The following UNC13C variants were observed in gnomAD, a reference collection of about 807,000 sequenced individuals.
UNC13C encodes the protein unc-13 homolog C, also known as protein unc-13 homolog C.
A neutral mutation model predicts 245.4 loss-of-function variants in UNC13C; 174 were observed. The ratio of observed to expected loss-of-function variants is 0.71; its 90% CI spans 0.63 to 0.80. The LOEUF (loss-of-function observed/expected upper bound fraction) is 0.80. Among genes scored for constraint, UNC13C ranks in the 30% least tolerant of loss-of-function variants. The pLI is 0.00. For synonymous variants in UNC13C, 992 were observed against 895.1 expected, an observed-to-expected ratio of 1.11 and a Z score of -1.93; for missense variants, 2,829 against 2,602.9, an observed-to-expected ratio of 1.09 and a Z score of -1.89.
At chr15:54,084,182 C>G (rs1337036619) in intron 2 of UNC13C, among the ~76,000 whole-genome samples, 1 of 152,208 alleles carries the variant, frequency 6.6e-6, no homozygotes, top group Non-Finnish European at 1.5e-5. Flanking sequence ...GCTCTCTTCC[C>G]TCAGTTTTCT....
intron 2 of UNC13C, among the ~76,000 whole-genome samples, chr15:54,024,398 G>A (rs1256204021): frequency 1.3e-5 from 2 of 152,158 alleles, no homozygotes; most frequent in South Asian, 2.1e-4. Flanking sequence ...ATCTGAAACA[G>A]GTAAAAGCTT....
chr15:54,395,392 A>G (rs1327645080), intron 18 of UNC13C, among the ~76,000 whole-genome samples: 1 of 151,856 alleles, frequency 6.6e-6, no homozygotes, highest in Admixed American at 6.6e-5. Context: ...AATCCAGACC[A>G]CTAGGGTAAG....
chr15:53,941,334 A>G, the UNC13C span, among the ~76,000 whole-genome samples: 4 of 152,246 alleles, frequency 2.6e-5, no homozygotes, highest in African/African-American at 7.2e-5. Context: ...ACCCAAAACT[A>G]TAAAAACCAT....
intron 1 of UNC13C, among the ~76,000 whole-genome samples, chr15:53,989,784 G>A (rs10518748): frequency 0.047 from 7,091 of 151,946 alleles, 359 homozygotes; most frequent in East Asian, 0.21. Context: ...ACTTTTCTTG[G>A]AGACAGCAGC....
At chr15:54,161,649 A>T (rs564525897) in intron 4 of UNC13C, among the ~76,000 whole-genome samples, 2 of 152,138 alleles carry the variant, frequency 1.3e-5, no homozygotes, top group East Asian at 3.9e-4. Flanking sequence ...GTCAGTTATC[A>T]TTAAAATTTT....
the UNC13C span, among the ~76,000 whole-genome samples, chr15:53,875,581 G>A: frequency 6.6e-6 from 1 of 152,134 alleles, no homozygotes; most frequent in African/African-American, 2.4e-5. Context: ...TTAAGCTAGA[G>A]TAATGTGATG....
At chr15:54,472,341 A>C (rs1406844040) in intron 19 of UNC13C, among the ~76,000 whole-genome samples, 1 of 151,762 alleles carries the variant, frequency 6.6e-6, no homozygotes, top group African/African-American at 2.4e-5. Context: ...TGTGTTTAAC[A>C]GTTTTGCCTT....
Position 54,173,969 on chromosome 15 carries a change from C to T in UNC13C, c.3071+30285C>T, listed in dbSNP as rs545830570. ...ATTGAGATTATCAGGTGGGTTTCCC[C>T]TTTGTTTATATAGGGAATTAAATTG... On this transcript the variant is annotated intron_variant, in intron 4 of 32. Coordinates refer to ENST00000260323, the MANE Select transcript of UNC13C (RefSeq NM_001080534.3). 2.0e-5 allele frequency among the ~76,000 whole-genome samples: 3 copies of T among 152,060 alleles called. No individual in the cohort carries two copies. In the South Asian group the frequency reaches 6.2e-4, roughly 32 times the overall value.
chr15:54,520,584 C>G (rs28664676), intron 24 of UNC13C, among the ~76,000 whole-genome samples: 1 of 151,664 alleles, frequency 6.6e-6, no homozygotes, highest in African/African-American at 2.4e-5. Context: ...GAAAAGAAGA[C>G]TGAAAAAGGA....
rs560736208 is a variant in UNC13C at position 54,429,333 on chromosome 15, A to G, written c.4933+14266A>G. Among the ~76,000 whole-genome samples the G allele has an allele frequency of 4.6e-5, 7 of 151,908 alleles. No homozygotes were observed. The East Asian group carries it at 1.4e-3, about 30-fold the overall frequency. ...GAGCAATACAGAAATTCCTGAGGAC[A>G]AGTTAAAGCATTATTCTTTTATGAA... On this transcript the variant is annotated intron_variant, in intron 19 of 32. Transcript: ENST00000260323.
At chr15:54,519,127 A>C (rs1895106733) in intron 24 of UNC13C, among the ~76,000 whole-genome samples, 1 of 152,164 alleles carries the variant, frequency 6.6e-6, no homozygotes, top group Non-Finnish European at 1.5e-5. Context: ...AGGAAGTTGA[A>C]CTATGTGATT....
chr15:54,507,130 T>A lies in UNC13C; in HGVS notation c.5315T>A (p.Val1772Glu), dbSNP rs772029461. Residue 1772 changes from valine (V) to glutamate (E), a missense_variant, in exon 23 of 33, where the codon GTG becomes GAG. Transcript: ENST00000260323. ...MRRFAKTINK[V>E]LLQYAAIVSS... ...TTTCTTTCTTAGACTATCAATAAAG[T>A]GCTGCTCCAGTATGCTGCAATTGTA... 2.5e-6 allele frequency: 4 copies of A among 1,597,552 alleles called. No individual in the cohort carries two copies. Among genetic ancestry groups the A allele is most frequent in the Middle Eastern group, 3.3e-4 (2 of 6,032 alleles).
At chr15:54,184,493 C>G (rs1332966466) in intron 4 of UNC13C, among the ~76,000 whole-genome samples, 7 of 152,098 alleles carry the variant, frequency 4.6e-5, no homozygotes. Flanking sequence ...GATCAATTCC[C>G]ACCTATGAGT....
intron 2 of UNC13C, among the ~76,000 whole-genome samples, chr15:54,128,025 C>G (rs915027221): frequency 3.3e-5 from 5 of 151,928 alleles, no homozygotes; most frequent in Non-Finnish European, 7.4e-5. Context: ...ATCCTAAAGA[C>G]TCTTCCAAAA....
chr15:54,042,902 C>T (rs1300734085), intron 2 of UNC13C, among the ~76,000 whole-genome samples: 6 of 151,910 alleles, frequency 3.9e-5, no homozygotes, highest in Non-Finnish European at 2.9e-5. Context: ...GAATCTACTG[C>T]GCATAACATT....
chr15:54,010,711 T>G (rs1468013111), intron 1 of UNC13C, among the ~76,000 whole-genome samples: 1 of 152,176 alleles, frequency 6.6e-6, no homozygotes, highest in Non-Finnish European at 1.5e-5. Flanking sequence ...AAGAGTCAAA[T>G]TATCATTAGG....
chr15:54,085,578 G>A (rs764357233), intron 2 of UNC13C, among the ~76,000 whole-genome samples: 24 of 151,922 alleles, frequency 1.6e-4, no homozygotes, highest in Non-Finnish European at 2.8e-4. Flanking sequence ...CCTTTGCCTC[G>A]AAGTATTTAT....
intron 19 of UNC13C, among the ~76,000 whole-genome samples, chr15:54,478,209 T>G (rs979521042): frequency 9.3e-5 from 14 of 150,864 alleles, no homozygotes; most frequent in Non-Finnish European, 2.1e-4. Flanking sequence ...TTTTTTTCTT[T>G]ATTAGTCTTG....
At chr15:53,984,013 A>G (rs796159919) in intron 1 of UNC13C, among the ~76,000 whole-genome samples, 13 of 152,120 alleles carry the variant, frequency 8.5e-5, no homozygotes, top group African/African-American at 2.9e-4. Context: ...TTACGCCTGG[A>G]ATACTGCTTG....
Sources: gnomAD v4.1 joint callset for allele counts (sites outside exome capture counted in the v4.1 genomes callset) on GRCh38, gnomAD v4.1.1 for gene constraint, MANE v1.5 for transcripts, NCBI Gene and HGNC (gene_info 2026-07-23, HGNC 2026-07-21) for gene names.